The following ARMC2 variants were observed in gnomAD, a reference collection of about 807,000 sequenced individuals.
The protein encoded by ARMC2 is armadillo repeat-containing protein 2.
ARMC2 carries 67 observed loss-of-function variants against 90.3 expected under a neutral mutation model. The ratio of observed to expected loss-of-function variants is 0.74; its 90% CI spans 0.61 to 0.91. The LOEUF is 0.91. Among genes scored for constraint, ARMC2 ranks in the 40% least tolerant of loss-of-function variants. The pLI, the probability that ARMC2 is intolerant of heterozygous loss-of-function variation, is 0.00. For synonymous variants in ARMC2, 393 were observed against 393.0 expected (o/e 1.00, Z 0.00); for missense variants, 920 against 1,030.9 (o/e 0.89, Z 1.47).
At position 108,973,617 on chromosome 6, in the gene ARMC2, G is replaced by A. The variant is rs1284813416; in HGVS notation, c.*103G>A. ...TTTTCAGCATTAACAAATGTGGAAA[G>A]TTTTTCAAGAACTGGTTTTAGTGAG... On this transcript the variant is annotated 3_prime_UTR_variant, in exon 18 of 18. Coordinates refer to ENST00000392644, the MANE Select transcript of ARMC2 (RefSeq NM_032131.6). 2 of 1,225,962 alleles carry A rather than the reference G, an allele frequency of 1.6e-6. No individual in the cohort carries two copies. The highest frequency in any genetic ancestry group is 2.2e-6 in the Non-Finnish European group (2 of 904,932). The allele number at this position is 1,225,962 out of a possible 1,614,324, so 75.9% of individuals were successfully genotyped here.
intron 2 of ARMC2, 91 bp from the exon 3 acceptor site, chr6:108,858,108 A>T: frequency 1.0e-6 from 1 of 965,198 alleles, no homozygotes; most frequent in Non-Finnish European, 1.5e-6. Context: ...GCATCCTTTT[A>T]CTTGTTTTTT....
chr6:109,013,855 G>C, the ARMC2 span, among the ~76,000 whole-genome samples: 2 of 152,238 alleles, frequency 1.3e-5, no homozygotes, highest in African/African-American at 4.8e-5. Context: ...TACTAATTTT[G>C]TCTAGATTTT....
the ARMC2 span, chr6:109,008,815 G>A: frequency 4.1e-6 from 4 of 985,496 alleles, no homozygotes; most frequent in African/African-American, 1.7e-5. Context: ...TGTGCATAAC[G>A]TCATAGAGCT....
the ARMC2 span, among the ~76,000 whole-genome samples, chr6:108,981,014 G>A: frequency 6.6e-6 from 1 of 152,046 alleles, no homozygotes; most frequent in Non-Finnish European, 1.5e-5. Context: ...TCGCCTTATT[G>A]TAGTCCATAA....
the ARMC2 span, among the ~76,000 whole-genome samples, chr6:109,051,728 T>C: frequency 6.6e-6 from 1 of 152,196 alleles, no homozygotes; most frequent in Admixed American, 6.5e-5. Context: ...ATTTAAAAAA[T>C]CTTTTGTTTT....
intron 17 of ARMC2, 66 bp downstream of exon 17, chr6:108,965,206 C>T (rs1778276524): frequency 4.3e-6 from 6 of 1,408,780 alleles, no homozygotes; most frequent in Admixed American, 1.9e-5. Flanking sequence ...TTTTCTGTGA[C>T]CTGTTCGGAT....
chr6:108,884,885 G>A (rs1477851734), intron 5 of ARMC2, among the ~76,000 whole-genome samples: 1 of 152,102 alleles, frequency 6.6e-6, no homozygotes, highest in Non-Finnish European at 1.5e-5. Flanking sequence ...ACGGCACCAG[G>A]GCATTCAGAA....
the ARMC2 span, among the ~76,000 whole-genome samples, chr6:108,984,434 T>C: frequency 6.6e-6 from 1 of 152,204 alleles, no homozygotes; most frequent in Non-Finnish European, 1.5e-5. Context: ...TGTCCTTTCA[T>C]GGTAGAAGGG....
At chr6:108,984,949 T>C in the ARMC2 span, among the ~76,000 whole-genome samples, 1 of 152,190 alleles carries the variant, frequency 6.6e-6, no homozygotes, top group Non-Finnish European at 1.5e-5. Context: ...GGCCCATATA[T>C]TGTTAACTCA....
intron 6 of ARMC2, among the ~76,000 whole-genome samples, chr6:108,895,072 A>G (rs1771466520): frequency 6.6e-6 from 1 of 150,590 alleles, no homozygotes; most frequent in Admixed American, 6.7e-5. Context: ...GGCCTAGATG[A>G]CAGTCTTAAT....
At chr6:108,952,764 GA>G (rs1200420452) in intron 12 of ARMC2, among the ~76,000 whole-genome samples, 17 of 152,262 alleles carry the variant, frequency 1.1e-4, no homozygotes, top group African/African-American at 3.6e-4. Flanking sequence ...AAAGAAAGGC[GA>G]GCCAGAATTT....
chr6:108,950,421 C>T (rs750159282), intron 12 of ARMC2, among the ~76,000 whole-genome samples: 8 of 152,200 alleles, frequency 5.3e-5, no homozygotes, highest in Non-Finnish European at 1.0e-4. Context: ...AGTACATATA[C>T]ATCATGGAAT....
At chr6:108,853,661 A>G (rs1774229034) in intron 1 of ARMC2, among the ~76,000 whole-genome samples, 1 of 152,146 alleles carries the variant, frequency 6.6e-6, no homozygotes, top group African/African-American at 2.4e-5. Flanking sequence ...GGAAAGGATC[A>G]GTTGGTATTG....
intron 13 of ARMC2, among the ~76,000 whole-genome samples, chr6:108,955,800 C>G (rs994558556): frequency 3.3e-5 from 5 of 152,178 alleles, no homozygotes; most frequent in Non-Finnish European, 7.3e-5. Context: ...TGTAGCATGC[C>G]CATGTCTGCT....
At chr6:108,976,192 G>A (rs901594019), downstream of ARMC2, among the ~76,000 whole-genome samples, 2 of 152,186 alleles carry the variant, frequency 1.3e-5, no homozygotes, top group African/African-American at 4.8e-5. Context: ...TAAAGTGTAA[G>A]GAAGGGATCC....
At position 108,910,883 on chromosome 6, in the gene ARMC2, G is replaced by A. The variant is rs1773353590; in HGVS notation, c.1024-16G>A. The A allele has an allele frequency of 1.5e-6, 2 of 1,356,304 alleles. No homozygotes were observed. The highest frequency in any genetic ancestry group is 4.9e-5 in the East Asian group (2 of 40,550). 84.0% of individuals were successfully genotyped at this position (1,356,304 alleles called of 1,614,324 possible). A position where few individuals can be genotyped will look rare whatever the true frequency, so the allele number is the denominator to read the frequency against. On this transcript the variant is annotated splice_polypyrimidine_tract_variant and intron_variant, in intron 8 of 17. Coordinates refer to ENST00000392644, the MANE Select transcript of ARMC2 (RefSeq NM_032131.6). ...TTATTTCCTTCTGCAATAGAGATGT[G>A]TTTCTTTCTCTGCAGCTTAAAGTGA...
intron 12 of ARMC2, among the ~76,000 whole-genome samples, chr6:108,946,565 G>T (rs1214169495): frequency 6.6e-6 from 1 of 152,172 alleles, no homozygotes; most frequent in African/African-American, 2.4e-5. Context: ...TTTGTTTGAG[G>T]GTGGTAAGTT....
intron 10 of ARMC2, among the ~76,000 whole-genome samples, chr6:108,921,520 C>T (rs113617249): frequency 6.6e-6 from 1 of 152,186 alleles, no homozygotes; most frequent in Non-Finnish European, 1.5e-5. Context: ...ATGCATGTTA[C>T]CAGTGATTTC....
chr6:108,942,869 C>T (rs964463076), intron 12 of ARMC2, among the ~76,000 whole-genome samples: 2 of 151,944 alleles, frequency 1.3e-5, no homozygotes, highest in Non-Finnish European at 2.9e-5. Flanking sequence ...TATGGCTAAT[C>T]GCGTTTTCAA....
Sources: allele counts gnomAD v4.1 joint callset (sites outside exome capture counted in the v4.1 genomes callset), GRCh38; gene constraint gnomAD v4.1.1; transcripts MANE v1.5; gene names NCBI Gene and HGNC (gene_info 2026-07-23, HGNC 2026-07-21).